DOP1A: variants seen among roughly 807,000 people sequenced by gnomAD.
The protein encoded by DOP1A is protein DOP1A.
In DOP1A, 90 loss-of-function variants were observed where a neutral mutation model predicts 267.6. The ratio of observed to expected loss-of-function variants is 0.34; its 90% CI spans 0.28 to 0.40. The LOEUF (loss-of-function observed/expected upper bound fraction) is 0.40, where lower values mean the gene tolerates loss of function less well. Ranked by LOEUF, DOP1A falls within the 10% of genes least tolerant of loss-of-function variation. The pLI, the probability that DOP1A is intolerant of heterozygous loss-of-function variation, is 1.00. For synonymous variants in DOP1A, 932 were observed against 999.1 expected (o/e 0.93, Z 1.27); for missense variants, 2,437 against 2,900.4 (o/e 0.84, Z 3.67).
chr6:83,128,940 T>C lies in DOP1A; in HGVS notation c.1773T>C (p.Asn591=). The change falls in exon 16 of 39, where the codon AAT becomes AAC. Residue 591 remains asparagine, a synonymous_variant. Coordinates refer to ENST00000349129, the MANE Select transcript of DOP1A (RefSeq NM_015018.4). ...NPTEVFEDGE[N]PPSSRSSESG... Reference sequence around the variant, plus strand: ...CTGAAGTGTTTGAAGATGGAGAAAATCCACCAAGTAGTCGATCATCAGAGA... The same window carrying C: ...CTGAAGTGTTTGAAGATGGAGAAAACCCACCAAGTAGTCGATCATCAGAGA... 1 of 1,559,788 alleles carries C rather than the reference T, an allele frequency of 6.4e-7. No individual in the cohort carries two copies. Among genetic ancestry groups the C allele is most frequent in the East Asian group, 2.3e-5 (1 of 44,252 alleles).
intron 1 of DOP1A, among the ~76,000 whole-genome samples, chr6:83,088,811 A>G (rs574497668): frequency 2.8e-4 from 42 of 152,330 alleles, no homozygotes; most frequent in African/African-American, 9.6e-4. Flanking sequence ...CCTGAAGATT[A>G]TTTAGTGACA....
At chr6:83,115,838 ATCT>A (rs1407323412) in intron 7 of DOP1A, among the ~76,000 whole-genome samples, 2 of 152,210 alleles carry the variant, frequency 1.3e-5, no homozygotes, top group Non-Finnish European at 2.9e-5. Flanking sequence ...TTTGACTAAC[ATCT>A]TCTACTTTCT....
At position 83,135,651 on chromosome 6, in the gene DOP1A, G is replaced by A. The variant is rs769270721; in HGVS notation, c.2903G>A (p.Ser968Asn). The A allele has an allele frequency of 1.2e-6, 2 of 1,613,522 alleles. No homozygotes were observed. Among genetic ancestry groups the A allele is most frequent in the African/African-American group, 1.3e-5 (1 of 74,976 alleles). The change falls in exon 20 of 39, where the codon AGT (serine) becomes AAT (asparagine). Residue 968 changes from serine (S) to asparagine (N), a missense_variant. Ser to Asn is a conservative substitution (Grantham distance 46). Coordinates refer to ENST00000349129, the MANE Select transcript of DOP1A (RefSeq NM_015018.4). ...TTCATCATGTTAGATAGCCTTAACA[G>A]TCTCGATGGTTCTACTAGCTCTGTG... ...SLFIMLDSLNSLDGSTSSVGQ... is the reference protein window; with the variant it reads ...SLFIMLDSLNNLDGSTSSVGQ...
Position 83,151,625 on chromosome 6 carries a change from G to C in DOP1A, c.5870G>C (p.Ser1957Thr), listed in dbSNP as rs909876523. The C allele has an allele frequency of 2.5e-6, 4 of 1,609,200 alleles. No homozygotes were observed. In the African/African-American group the frequency reaches 5.4e-5, roughly 22 times the overall value. ...VLNEFIMKNPSLENKKDQRDL... is the reference protein window; with the variant it reads ...VLNEFIMKNPTLENKKDQRDL... Reference sequence around the variant, plus strand: ...AATGAGTTTATTATGAAAAACCCTAGTTTGGAAAATAAAAAAGACCAAAGA... The same window carrying C: ...AATGAGTTTATTATGAAAAACCCTACTTTGGAAAATAAAAAAGACCAAAGA... The change falls in exon 28 of 39, where the codon AGT becomes ACT. Residue 1957 changes from serine (S) to threonine (T), a missense_variant. Transcript: ENST00000349129.
At chr6:83,141,798 GTTAT>G (rs2128282724) in intron 23 of DOP1A, 119 bp from the exon 24 acceptor site, 2 of 901,514 alleles carry the variant, frequency 2.2e-6, no homozygotes, top group Non-Finnish European at 3.2e-6. Flanking sequence ...TTCCTCTAGT[GTTAT>G]TTAGATAGTA....
downstream of DOP1A, chr6:83,171,131 G>C (rs1787004327): frequency 6.6e-6 from 1 of 152,218 alleles, no homozygotes; most frequent in Non-Finnish European, 1.5e-5. Context: ...CCTGAGCTCA[G>C]GAGTTCAAGA....
chr6:83,097,324 A>G (rs568260809), intron 3 of DOP1A, among the ~76,000 whole-genome samples: 2 of 152,352 alleles, frequency 1.3e-5, no homozygotes, highest in Admixed American at 1.3e-4. Flanking sequence ...AGAAATAACA[A>G]TGCTTGAAAA....
chr6:83,119,194 TA>T (rs1004434564), intron 8 of DOP1A, among the ~76,000 whole-genome samples: 1 of 152,206 alleles, frequency 6.6e-6, no homozygotes, highest in African/African-American at 2.4e-5. Flanking sequence ...TTTGAATTCA[TA>T]AAGTCATGTT....
intron 2 of DOP1A, 37 bp downstream of exon 2, chr6:83,096,860 G>C: frequency 1.5e-5 from 18 of 1,206,618 alleles, no homozygotes; most frequent in Non-Finnish European, 2.1e-5. Context: ...TACCTTTGTA[G>C]TAAGATCATA....
chr6:83,117,128 T>TA (rs1390277121), intron 7 of DOP1A, among the ~76,000 whole-genome samples: 2 of 141,860 alleles, frequency 1.4e-5, no homozygotes, highest in African/African-American at 2.8e-5. Context: ...TTTTTTATTT[T>TA]ATTTTATTTT....
At chr6:83,164,919 T>C (rs1467232241) in intron 38 of DOP1A, 7 of 502,876 alleles carry the variant, frequency 1.4e-5, no homozygotes, top group Non-Finnish European at 2.1e-5. Context: ...ACAATACATA[T>C]AGTTCTGATT....
chr6:83,169,143 T>G (rs1311677125), downstream of DOP1A: 14 of 1,554,306 alleles, frequency 9.0e-6, no homozygotes, highest in East Asian at 2.4e-4. Flanking sequence ...GTAAACATTA[T>G]GATTATAAAT....
At chr6:83,133,345 T>A (rs954754980) in intron 18 of DOP1A, among the ~76,000 whole-genome samples, 2 of 152,088 alleles carry the variant, frequency 1.3e-5, no homozygotes, top group African/African-American at 4.8e-5. Context: ...AATTAAAATA[T>A]CTTTTACTAC....
At chr6:83,091,234 C>T (rs1179170744) in intron 1 of DOP1A, among the ~76,000 whole-genome samples, 1 of 152,114 alleles carries the variant, frequency 6.6e-6, no homozygotes, top group African/African-American at 2.4e-5. Flanking sequence ...CCAGGTCCCT[C>T]CCACAGCACA....
chr6:83,092,564 C>T (rs868398695), intron 1 of DOP1A, among the ~76,000 whole-genome samples: 8 of 117,918 alleles, frequency 6.8e-5, no homozygotes, highest in African/African-American at 2.2e-4. Context: ...CCTCCCCCCC[C>T]CCCCACCATA....
At chr6:83,072,457 T>C (rs747983424) in intron 1 of DOP1A, among the ~76,000 whole-genome samples, 16 of 152,284 alleles carry the variant, frequency 1.1e-4, no homozygotes, top group Non-Finnish European at 2.1e-4. Context: ...TTCCTGTTAA[T>C]ATAAGGTTCT....
intron 18 of DOP1A, among the ~76,000 whole-genome samples, chr6:83,133,044 G>A (rs1422277279): frequency 1.3e-5 from 2 of 151,952 alleles, no homozygotes; most frequent in Non-Finnish European, 2.9e-5. Context: ...AATCAAAAAA[G>A]GAATTGTGTT....
At chr6:83,105,225 C>A (rs1471113314) in intron 4 of DOP1A, among the ~76,000 whole-genome samples, 1 of 151,750 alleles carries the variant, frequency 6.6e-6, no homozygotes, top group Non-Finnish European at 1.5e-5. Flanking sequence ...GATAGTATAC[C>A]CTTAATAAAT....
At position 83,119,801 on chromosome 6, in the gene DOP1A, C is replaced by T. The variant is rs777038498; in HGVS notation, c.934C>T (p.Pro312Ser). The change falls in exon 9 of 39, where the codon CCT becomes TCT. Residue 312 changes from proline (P) to serine (S), a missense_variant. By Grantham distance (74) the Pro-to-Ser change is moderately conservative. Coordinates refer to ENST00000349129, the MANE Select transcript of DOP1A (RefSeq NM_015018.4). ...ACCCAGAAGCACAAGACACAGTAAT[C>T]CTGAAGAACATGCCACTTACTATTT... ...IGPRSTRHSN[P>S]EEHATYYFTT... The T allele has an allele frequency of 6.2e-6, 10 of 1,612,832 alleles. No homozygotes were observed. The highest frequency in any genetic ancestry group is 5.1e-6 in the Non-Finnish European group (6 of 1,179,224).
Sources: gnomAD v4.1 joint callset for allele counts (sites outside exome capture counted in the v4.1 genomes callset) on GRCh38, gnomAD v4.1.1 for gene constraint, MANE v1.5 for transcripts, NCBI Gene and HGNC (gene_info 2026-07-23, HGNC 2026-07-21) for gene names.